Variants in PPP1CB observed in about 807,000 individuals in gnomAD.
PPP1CB encodes protein phosphatase 1 catalytic subunit beta, also known as serine/threonine-protein phosphatase PP1-beta catalytic subunit.
PPP1CB carries 2 observed loss-of-function variants against 43.7 expected under a neutral mutation model. The observed-to-expected ratio is 0.05, with a 90% CI of 0.02 to 0.14. The LOEUF (loss-of-function observed/expected upper bound fraction) is 0.14, where lower values mean the gene tolerates loss of function less well. Ranked by LOEUF, PPP1CB falls within the 10% of genes least tolerant of loss-of-function variation. The probability of loss-of-function intolerance (pLI) is 1.00; values close to 1 mark genes in which losing one functional copy is unlikely to be tolerated. For missense variants in PPP1CB, 84 were observed against 398.0 expected (o/e 0.21, Z 6.71); for synonymous variants, 136 against 135.6 (o/e 1.00, Z -0.02).
intron 1 of PPP1CB, among the ~76,000 whole-genome samples, chr2:28,759,515 A>G (rs1358246183): frequency 1.3e-5 from 1 of 77,294 alleles, no homozygotes; most frequent in Non-Finnish European, 2.6e-5. Context: ...GTGAGACTGC[A>G]TCTCCAAAAA....
chr2:28,755,384 AAC>A (rs1400091859), intron 1 of PPP1CB, among the ~76,000 whole-genome samples: 1 of 152,214 alleles, frequency 6.6e-6, no homozygotes, highest in African/African-American at 2.4e-5. Flanking sequence ...TTTTAATACA[AAC>A]ATGCCATTTA....
intron 1 of PPP1CB, among the ~76,000 whole-genome samples, chr2:28,769,173 A>G (rs1297250938): frequency 6.6e-6 from 1 of 152,262 alleles, no homozygotes; most frequent in Admixed American, 6.5e-5. Flanking sequence ...AAACTGTGGA[A>G]GACAGAAGAC....
chr2:28,793,812 T>C (rs1223238511), intron 6 of PPP1CB, 51 bp from the exon 7 acceptor site: 1 of 1,604,968 alleles, frequency 6.2e-7, no homozygotes, highest in East Asian at 2.2e-5. Flanking sequence ...TATAGATGGT[T>C]CAGAATTACC....
At chr2:28,787,124 A>G (rs1667285215) in intron 5 of PPP1CB, among the ~76,000 whole-genome samples, 1 of 152,212 alleles carries the variant, frequency 6.6e-6, no homozygotes, top group Non-Finnish European at 1.5e-5. Flanking sequence ...TATGATGTTT[A>G]TGGATTATTT....
chr2:28,752,157 C>T lies in PPP1CB; in HGVS notation c.33C>T (p.Leu11=), dbSNP rs1300900310. 2.6e-6 allele frequency: 4 copies of T among 1,548,208 alleles called. No homozygotes were observed. The highest frequency in any genetic ancestry group is 1.2e-5 in the South Asian group (1 of 84,024). Residue 11 remains leucine (L), a synonymous_variant, in exon 1 of 8, where the codon CTC becomes CTT. Coordinates refer to ENST00000395366, the MANE Select transcript of PPP1CB (RefSeq NM_002709.3). MADGELNVDS[L]ITRLLEVRGC... ...ACGGGGAGCTGAACGTGGACAGCCT[C>T]ATCACCCGGCTGCTGGAGGGTGAGT...
chr2:28,762,451 T>C (rs1464386111), intron 1 of PPP1CB, among the ~76,000 whole-genome samples: 1 of 152,236 alleles, frequency 6.6e-6, no homozygotes, highest in Non-Finnish European at 1.5e-5. Context: ...CATCTCTGTT[T>C]TGTTTCAGTC....
At chr2:28,773,695 C>T (rs1666964457) in intron 1 of PPP1CB, among the ~76,000 whole-genome samples, 1 of 152,114 alleles carries the variant, frequency 6.6e-6, no homozygotes, top group South Asian at 2.1e-4. Flanking sequence ...CTTGAGAGTA[C>T]ATAAAGGAGC....
intron 3 of PPP1CB, 27 bp downstream of exon 3, chr2:28,779,066 G>A: frequency 1.4e-6 from 2 of 1,469,318 alleles, no homozygotes; most frequent in Non-Finnish European, 1.9e-6. Context: ...ACTTAGAAAA[G>A]TAATTCATGG....
intron 1 of PPP1CB, among the ~76,000 whole-genome samples, chr2:28,761,393 A>G (rs538729348): frequency 4.6e-5 from 7 of 152,242 alleles, no homozygotes; most frequent in Non-Finnish European, 8.8e-5. Flanking sequence ...TTGGGATGCC[A>G]TCTTATATAA....
intron 5 of PPP1CB, among the ~76,000 whole-genome samples, chr2:28,787,774 C>T (rs1209466050): frequency 2.0e-5 from 3 of 152,210 alleles, no homozygotes; most frequent in Non-Finnish European, 4.4e-5. Context: ...CATTCTCCCT[C>T]ATCTACCTGC....
At chr2:28,794,881 T>C (rs10177676) in intron 7 of PPP1CB, among the ~76,000 whole-genome samples, 97 of 152,148 alleles carry the variant, frequency 6.4e-4, no homozygotes, top group African/African-American at 2.3e-3. Context: ...GGTTCAGGGG[T>C]TACATGTGCA....
chr2:28,796,999 A>G (rs1489447649), intron 7 of PPP1CB, among the ~76,000 whole-genome samples: 1 of 152,078 alleles, frequency 6.6e-6, no homozygotes, highest in African/African-American at 2.4e-5. Context: ...AAGGGTGTTG[A>G]ATTGTATTGA....
rs114057192 is a variant in PPP1CB at position 28,795,176 on chromosome 2, T to G, written c.879+1179T>G. Among the ~76,000 whole-genome samples, 637 of 152,360 alleles carry G rather than the reference T, an allele frequency of 4.2e-3. 6 individuals carry two copies. Among genetic ancestry groups the G allele is most frequent in the African/African-American group, 0.015 (604 of 41,574 alleles). ...TGTTGCTGCAAAGGACCTGATTTCCTTCCTTAATTTTATGGTCGCATAGTA... is the reference window on the plus strand; with the variant it reads ...TGTTGCTGCAAAGGACCTGATTTCCGTCCTTAATTTTATGGTCGCATAGTA... On this transcript the variant is annotated intron_variant, in intron 7 of 7. Transcript: ENST00000395366.
chr2:28,777,167 G>C (rs575608372), intron 2 of PPP1CB, 185 bp downstream of exon 2: 6 of 484,274 alleles, frequency 1.2e-5, no homozygotes, highest in Middle Eastern at 6.2e-4. Context: ...GAAAATACTT[G>C]CTATATATCA....
At chr2:28,771,713 A>G (rs769606257) in intron 1 of PPP1CB, among the ~76,000 whole-genome samples, 1 of 152,206 alleles carries the variant, frequency 6.6e-6, no homozygotes, top group Non-Finnish European at 1.5e-5. Context: ...ACATCAAACC[A>G]TACACAAAAT....
chr2:28,763,420 T>A lies in PPP1CB; in HGVS notation c.52+11244T>A, dbSNP rs1558298429. On this transcript the variant is annotated intron_variant, in intron 1 of 7. Coordinates refer to ENST00000395366, the MANE Select transcript of PPP1CB (RefSeq NM_002709.3). ...TTAACAGTTTTACCCATCCTTGCTT[T>A]TGTATTATCAAAGCAGATGTCAGTG... Among the ~76,000 whole-genome samples the A allele has an allele frequency of 3.3e-5, 5 of 151,862 alleles. No homozygotes were observed. The South Asian group carries it at 1.0e-3, about 32-fold the overall frequency.
rs869155670 is a variant in PPP1CB, at chr2:28,784,917, CAAAAA to C, written c.592+952_592+956del. Among the ~76,000 whole-genome samples, 165 of 79,104 alleles carry C rather than the reference CAAAAA, an allele frequency of 2.1e-3. 1 individual carries two copies. Among genetic ancestry groups the C allele is most frequent in the African/African-American group, 8.0e-3 (156 of 19,444 alleles). 51.9% of individuals were successfully genotyped at this position (79,104 alleles called of 152,430 possible). A position where few individuals can be genotyped will look rare whatever the true frequency, so the allele number is the denominator to read the frequency against. Reference sequence around the variant, plus strand: ...CCTGGGTGACAGAGTGAAACTGTCTCAAAAAAAAAAAAAAAAAGAAAAAAGAAACA... The same window carrying C: ...CCTGGGTGACAGAGTGAAACTGTCTCAAAAAAAAAAAAGAAAAAAGAAACA... On this transcript the variant is annotated intron_variant, in intron 5 of 7. Coordinates refer to ENST00000395366, the MANE Select transcript of PPP1CB (RefSeq NM_002709.3).
chr2:28,758,610 C>T (rs77011621), intron 1 of PPP1CB, among the ~76,000 whole-genome samples: 5,555 of 152,194 alleles, frequency 0.036, 362 homozygotes, highest in African/African-American at 0.13. Context: ...CAGTTTTTTC[C>T]TGATTTGATA....
intron 7 of PPP1CB, 37 bp downstream of exon 7, chr2:28,794,034 C>A: frequency 6.7e-7 from 1 of 1,490,232 alleles, no homozygotes; most frequent in Non-Finnish European, 9.2e-7. Context: ...AACTAGAAAT[C>A]TAATAAAAAC....
Sources: gnomAD v4.1 joint callset for allele counts (sites outside exome capture counted in the v4.1 genomes callset) on GRCh38, gnomAD v4.1.1 for gene constraint, MANE v1.5 for transcripts, NCBI Gene and HGNC (gene_info 2026-07-23, HGNC 2026-07-21) for gene names.